ANGPT1: variants seen among roughly 807,000 people sequenced by gnomAD.
ANGPT1 encodes the protein angiopoietin-1.
In ANGPT1, 17 loss-of-function variants were observed where a neutral mutation model predicts 62.2. The observed-to-expected ratio is 0.27, with a 90% CI of 0.19 to 0.41. ANGPT1 has a LOEUF of 0.41. ANGPT1 is among the 10% of genes least tolerant of loss of function. The pLI is 1.00. For missense variants in ANGPT1, 478 were observed against 594.9 expected, an observed-to-expected ratio of 0.80 and a Z score of 2.04; for synonymous variants, 199 against 198.9, an observed-to-expected ratio of 1.00 and a Z score of 0.00.
At chr8:107,424,496 T>C (rs1371560037) in intron 1 of ANGPT1, among the ~76,000 whole-genome samples, 3 of 152,164 alleles carry the variant, frequency 2.0e-5, no homozygotes, top group African/African-American at 4.8e-5. Context: ...GATGTTTCTT[T>C]AGTAATCAGA....
chr8:107,421,938 T>A (rs1810906482), intron 1 of ANGPT1, among the ~76,000 whole-genome samples: 1 of 152,194 alleles, frequency 6.6e-6, no homozygotes, highest in African/African-American at 2.4e-5. Context: ...ATGACTTCTA[T>A]TCATTGTTTG....
intron 3 of ANGPT1, among the ~76,000 whole-genome samples, chr8:107,325,882 TG>T (rs1563570112): frequency 1.3e-5 from 2 of 152,130 alleles, no homozygotes; most frequent in Non-Finnish European, 2.9e-5. Context: ...TGATTTGTTT[TG>T]TTTTTCAGGA....
At chr8:107,293,501 G>A (rs2130178583) in intron 6 of ANGPT1, among the ~76,000 whole-genome samples, 1 of 152,262 alleles carries the variant, frequency 6.6e-6, no homozygotes, top group Admixed American at 6.5e-5. Context: ...TTAGCCACAT[G>A]GAAAGGTCAC....
At chr8:107,453,715 T>G (rs1263434386) in intron 1 of ANGPT1, among the ~76,000 whole-genome samples, 1 of 152,154 alleles carries the variant, frequency 6.6e-6, no homozygotes, top group East Asian at 1.9e-4. Context: ...AATGTGATGT[T>G]TGGCTATTTA....
chr8:107,360,521 C>T (rs903606751), intron 1 of ANGPT1, among the ~76,000 whole-genome samples: 3 of 152,174 alleles, frequency 2.0e-5, no homozygotes, highest in Non-Finnish European at 4.4e-5. Flanking sequence ...CCCTTTGCTG[C>T]CCAAGTTCAA....
chr8:107,391,241 G>A (rs1241597504), intron 1 of ANGPT1, among the ~76,000 whole-genome samples: 1 of 152,228 alleles, frequency 6.6e-6, no homozygotes, highest in East Asian at 1.9e-4. Flanking sequence ...GGGTATGGGA[G>A]AGCAAGTTTC....
chr8:107,486,522 C>T (rs1222999151), intron 1 of ANGPT1, among the ~76,000 whole-genome samples: 1 of 152,132 alleles, frequency 6.6e-6, no homozygotes, highest in East Asian at 1.9e-4. Context: ...TAACACTGTA[C>T]CCAGAACTTC....
At chr8:107,378,431 G>A (rs1425013521) in intron 1 of ANGPT1, among the ~76,000 whole-genome samples, 1 of 152,146 alleles carries the variant, frequency 6.6e-6, no homozygotes, top group African/African-American at 2.4e-5. Context: ...TATCCTAAGA[G>A]AAAGAAGGTA....
intron 1 of ANGPT1, among the ~76,000 whole-genome samples, chr8:107,386,005 A>T (rs1384967732): frequency 1.3e-5 from 2 of 152,008 alleles, no homozygotes; most frequent in Non-Finnish European, 2.9e-5. Flanking sequence ...ATTAGCTTTA[A>T]CGGTGGACTG....
At chr8:107,471,643 C>A (rs182707908) in intron 1 of ANGPT1, among the ~76,000 whole-genome samples, 14 of 152,212 alleles carry the variant, frequency 9.2e-5, no homozygotes, top group African/African-American at 3.4e-4. Flanking sequence ...GATTTTAAAG[C>A]ATTCTTCAGA....
intron 1 of ANGPT1, among the ~76,000 whole-genome samples, chr8:107,450,495 A>T (rs1028155485): frequency 6.6e-6 from 1 of 151,986 alleles, no homozygotes; most frequent in African/African-American, 2.4e-5. Context: ...GGTCTTCTAC[A>T]TTGTGCTGTT....
chr8:107,324,467 G>A (rs962612990), intron 3 of ANGPT1, among the ~76,000 whole-genome samples: 2 of 152,130 alleles, frequency 1.3e-5, no homozygotes, highest in Non-Finnish European at 2.9e-5. Context: ...ACTACTGGCA[G>A]GTAGGAGAGA....
rs10655133 is a variant in ANGPT1 at position 107,268,406 on chromosome 8, TTGTGTGTGTGTG to T, written c.1206-4067_1206-4056del. Among the ~76,000 whole-genome samples, 25 of 144,558 alleles carry T rather than the reference TTGTGTGTGTGTG, an allele frequency of 1.7e-4. 1 individual carries two copies. The highest frequency in any genetic ancestry group is 1.5e-3 in the Admixed American group (22 of 14,380). 94.8% of individuals were successfully genotyped at this position (144,558 alleles called of 152,430 possible). A position where few individuals can be genotyped will look rare whatever the true frequency, so the allele number is the denominator to read the frequency against. Reference sequence around the variant, plus strand: ...ATAATTAAAAAATACACATGTAGGGTTGTGTGTGTGTGTGTGTGTGTGTGTGTGTGTGTGTAC... The same window carrying T: ...ATAATTAAAAAATACACATGTAGGGTTGTGTGTGTGTGTGTGTGTGTGTAC... On this transcript the variant is annotated intron_variant, in intron 7 of 8. Coordinates refer to ENST00000517746, the MANE Select transcript of ANGPT1 (RefSeq NM_001146.5).
chr8:107,316,315 T>C (rs1336571565), intron 4 of ANGPT1, among the ~76,000 whole-genome samples: 1 of 152,222 alleles, frequency 6.6e-6, no homozygotes, highest in Non-Finnish European at 1.5e-5. Flanking sequence ...TAATGTACAG[T>C]ATTCAGAACA....
intron 1 of ANGPT1, among the ~76,000 whole-genome samples, chr8:107,488,302 C>T (rs749863189): frequency 3.3e-5 from 5 of 152,144 alleles, no homozygotes; most frequent in Admixed American, 1.3e-4. Flanking sequence ...GTTTGGGCAG[C>T]TTTACCTAAC....
chr8:107,483,732 A>G (rs561287807), intron 1 of ANGPT1, among the ~76,000 whole-genome samples: 1 of 152,308 alleles, frequency 6.6e-6, no homozygotes, highest in African/African-American at 2.4e-5. Context: ...TAGCTGAAAG[A>G]AATATAAGAA....
At chr8:107,255,625 C>T (rs911967995) in intron 8 of ANGPT1, among the ~76,000 whole-genome samples, 2 of 152,086 alleles carry the variant, frequency 1.3e-5, no homozygotes, top group Non-Finnish European at 2.9e-5. Flanking sequence ...CCCCAAACAG[C>T]CTTAAGTGAT....
chr8:107,423,356 C>T (rs2130384304), intron 1 of ANGPT1, among the ~76,000 whole-genome samples: 2 of 152,288 alleles, frequency 1.3e-5, no homozygotes, highest in East Asian at 3.9e-4. Context: ...ATAGCTGTAC[C>T]TTCTCTGCAG....
intron 5 of ANGPT1, among the ~76,000 whole-genome samples, chr8:107,300,168 T>C (rs1814552255): frequency 6.8e-6 from 1 of 148,036 alleles, no homozygotes; most frequent in South Asian, 2.1e-4. Flanking sequence ...GATCTATATC[T>C]ATCTATATAT....
Sources: allele counts gnomAD v4.1 joint callset (sites outside exome capture counted in the v4.1 genomes callset), GRCh38; gene constraint gnomAD v4.1.1; transcripts MANE v1.5; gene names NCBI Gene and HGNC (gene_info 2026-07-23, HGNC 2026-07-21).